The following PCDH9 variants were observed in gnomAD, a reference collection of about 807,000 sequenced individuals.
PCDH9 encodes protocadherin 9.
PCDH9 carries 24 observed loss-of-function variants against 70.6 expected under a neutral mutation model. The observed-to-expected ratio is 0.34, with a 90% confidence interval of 0.25 to 0.48. The LOEUF (loss-of-function observed/expected upper bound fraction) is 0.48, where lower values mean the gene tolerates loss of function less well. Ranked by LOEUF, PCDH9 falls within the 20% of genes least tolerant of loss-of-function variation. PCDH9 has a pLI of 0.99. For synonymous variants in PCDH9, 562 were observed against 558.5 expected (o/e 1.01, Z -0.09); for missense variants, 1,281 against 1,503.6 (o/e 0.85, Z 2.45).
chr13:66,683,711 A>G (rs2078360467), intron 3 of PCDH9, among the ~76,000 whole-genome samples: 1 of 152,210 alleles, frequency 6.6e-6, no homozygotes, highest in Non-Finnish European at 1.5e-5. Context: ...TGTAGATCAC[A>G]GGTTTTAAAA....
chr13:67,047,234 T>A (rs373079588), intron 2 of PCDH9, among the ~76,000 whole-genome samples: 1 of 152,178 alleles, frequency 6.6e-6, no homozygotes, highest in East Asian at 1.9e-4. Context: ...TCCACTGTGA[T>A]GAAATCTTGG....
At chr13:66,365,204 C>T (rs1956533872) in intron 4 of PCDH9, among the ~76,000 whole-genome samples, 1 of 152,162 alleles carries the variant, frequency 6.6e-6, no homozygotes, top group East Asian at 1.9e-4. Flanking sequence ...AAAAGTGAAG[C>T]CGCTACAGCA....
At chr13:66,631,473 G>A in intron 3 of PCDH9, 62 bp from the exon 4 acceptor site, 1 of 941,106 alleles carries the variant, frequency 1.1e-6, no homozygotes, top group South Asian at 1.4e-5. Context: ...AGGCCTAGTG[G>A]AACACAAAAT....
intron 2 of PCDH9, chr13:67,205,540 G>T (rs919409628): frequency 6.6e-6 from 1 of 152,134 alleles, no homozygotes; most frequent in Admixed American, 6.6e-5. Flanking sequence ...CTCATATCAA[G>T]AAACTCCTTT....
At chr13:66,958,729 C>T (rs1209735795) in intron 2 of PCDH9, among the ~76,000 whole-genome samples, 2 of 151,968 alleles carry the variant, frequency 1.3e-5, no homozygotes, top group Non-Finnish European at 2.9e-5. Context: ...CTATATTAGG[C>T]ACAGAGCTTT....
chr13:66,691,624 A>G (rs1322133870), intron 3 of PCDH9, among the ~76,000 whole-genome samples: 1 of 152,150 alleles, frequency 6.6e-6, no homozygotes, highest in Admixed American at 6.5e-5. Flanking sequence ...TTATTATAAT[A>G]CCTGTCCTGA....
At chr13:66,369,203 C>A (rs1956604377) in intron 4 of PCDH9, among the ~76,000 whole-genome samples, 1 of 152,058 alleles carries the variant, frequency 6.6e-6, no homozygotes, top group Admixed American at 6.6e-5. Flanking sequence ...CCCTTTACTG[C>A]AACTACATAG....
At chr13:67,153,422 G>A (rs1406542226) in intron 2 of PCDH9, among the ~76,000 whole-genome samples, 1 of 151,966 alleles carries the variant, frequency 6.6e-6, no homozygotes, top group Non-Finnish European at 1.5e-5. Flanking sequence ...CTCCCACCTT[G>A]GCTTCCCAAG....
intron 4 of PCDH9, among the ~76,000 whole-genome samples, chr13:66,630,256 T>G (rs2077552929): frequency 6.6e-6 from 1 of 152,140 alleles, no homozygotes; most frequent in Non-Finnish European, 1.5e-5. Flanking sequence ...TTGAGATAAA[T>G]GTACAGAAAT....
chr13:66,534,099 A>T lies in PCDH9; in HGVS notation c.3340+97111T>A, dbSNP rs1017738911. 4.6e-5 allele frequency among the ~76,000 whole-genome samples: 7 copies of T among 152,086 alleles called. No homozygotes were observed. In the East Asian group the frequency reaches 1.4e-3, roughly 29 times the overall value. On this transcript the variant is annotated intron_variant, in intron 4 of 4. Transcript: ENST00000377865. ...GGAGAGTAAACCAAACAAATTCACA[A>T]CTGAAAATGCAGCTAGCCCCAGCTA...
At chr13:66,996,824 C>A (rs2084127245) in intron 2 of PCDH9, among the ~76,000 whole-genome samples, 1 of 152,100 alleles carries the variant, frequency 6.6e-6, no homozygotes, top group South Asian at 2.1e-4. Context: ...AGGTGGAGAC[C>A]TTACTCCAAA....
At chr13:66,366,595 C>T (rs1045222915) in intron 4 of PCDH9, among the ~76,000 whole-genome samples, 17 of 151,850 alleles carry the variant, frequency 1.1e-4, no homozygotes, top group Non-Finnish European at 1.6e-4. Context: ...TATGTGAGTA[C>T]ATTATTTACC....
chr13:66,629,569 C>T (rs2077542969), intron 4 of PCDH9, among the ~76,000 whole-genome samples: 1 of 152,128 alleles, frequency 6.6e-6, no homozygotes, highest in Non-Finnish European at 1.5e-5. Context: ...TCTTGTTCTC[C>T]CAAATTCAGT....
At chr13:66,632,061 A>C (rs2077578970) in intron 3 of PCDH9, among the ~76,000 whole-genome samples, 1 of 151,912 alleles carries the variant, frequency 6.6e-6, no homozygotes, top group Non-Finnish European at 1.5e-5. Context: ...GCCCGGCTGA[A>C]TTTTTGTGTT....
rs1379904497 is a variant in PCDH9, at chr13:66,739,334, G to C, written c.3139-107923C>G. Among the ~76,000 whole-genome samples the C allele has an allele frequency of 2.3e-5, 3 of 132,204 alleles. No individual in the cohort carries two copies. The East Asian group carries it at 6.7e-4, about 30-fold the overall frequency. 86.7% of individuals were successfully genotyped at this position (132,204 alleles called of 152,430 possible). A position where few individuals can be genotyped will look rare whatever the true frequency, so the allele number is the denominator to read the frequency against. On this transcript the variant is annotated intron_variant, in intron 3 of 4. Coordinates refer to ENST00000377865, the MANE Select transcript of PCDH9 (RefSeq NM_203487.3). ...CCAGGCCTGCCCTAAAAGAGCTCCT[G>C]AAGGAAGCGCTAAGCATGGAAAGGA...
chr13:66,766,175 A>G (rs970717907), intron 3 of PCDH9, among the ~76,000 whole-genome samples: 11 of 152,014 alleles, frequency 7.2e-5, no homozygotes, highest in Admixed American at 2.0e-4. Flanking sequence ...GAAGAAAGCC[A>G]TAAGCCAGAT....
At chr13:66,746,644 A>C (rs2139215452) in intron 3 of PCDH9, among the ~76,000 whole-genome samples, 1 of 152,304 alleles carries the variant, frequency 6.6e-6, no homozygotes, top group East Asian at 1.9e-4. Context: ...GATTTGTATA[A>C]AACAGATTTA....
At chr13:66,805,621 C>G (rs2080397523) in intron 3 of PCDH9, among the ~76,000 whole-genome samples, 1 of 152,090 alleles carries the variant, frequency 6.6e-6, no homozygotes, top group Admixed American at 6.6e-5. Flanking sequence ...TACTTGTCCA[C>G]TGGGACTGTA....
At chr13:67,154,815 T>C (rs1280671486) in intron 2 of PCDH9, among the ~76,000 whole-genome samples, 2 of 150,998 alleles carry the variant, frequency 1.3e-5, no homozygotes, top group Non-Finnish European at 3.0e-5. Flanking sequence ...ATGATTCTCC[T>C]GCCTCAGCCT....
Sources: gnomAD v4.1 joint callset for allele counts (sites outside exome capture counted in the v4.1 genomes callset) on GRCh38, gnomAD v4.1.1 for gene constraint, MANE v1.5 for transcripts, NCBI Gene and HGNC (gene_info 2026-07-23, HGNC 2026-07-21) for gene names.